Variants in TMOD1 observed in about 807,000 individuals in gnomAD.
TMOD1 encodes the protein tropomodulin 1.
A neutral mutation model predicts 40.6 loss-of-function variants in TMOD1; 17 were observed. The ratio of observed to expected loss-of-function variants is 0.42; its 90% CI spans 0.29 to 0.63. TMOD1 has a LOEUF of 0.63. Ranked by LOEUF, TMOD1 falls within the 20% of genes least tolerant of loss-of-function variation. TMOD1 has a pLI of 0.22. For synonymous variants in TMOD1, 181 were observed against 175.0 expected, an observed-to-expected ratio of 1.03 and a Z score of -0.27; for missense variants, 391 against 447.6, an observed-to-expected ratio of 0.87 and a Z score of 1.14.
intron 8 of TMOD1, among the ~76,000 whole-genome samples, chr9:97,579,830 G>T (rs1377143279): frequency 6.6e-6 from 1 of 152,188 alleles, no homozygotes; most frequent in Non-Finnish European, 1.5e-5. Context: ...GTGGAATGGG[G>T]AGAGATCATT....
Position 97,601,684 on chromosome 9 carries a change from T to C in TMOD1, c.*1986T>C. On this transcript the variant is annotated 3_prime_UTR_variant, in exon 10 of 10. Transcript: ENST00000259365. ...CTGTTGCAACTATTCAACTCTGCCATAGATCATGTGTAAAGGAATGGGTGT... is the reference window on the plus strand; with the variant it reads ...CTGTTGCAACTATTCAACTCTGCCACAGATCATGTGTAAAGGAATGGGTGT... 1.7e-6 allele frequency: 1 copy of C among 605,822 alleles called. No individual in the cohort carries two copies. Among genetic ancestry groups the C allele is most frequent in the South Asian group, 7.3e-5 (1 of 13,778 alleles). 37.5% of individuals were successfully genotyped at this position (605,822 alleles called of 1,614,324 possible). A position where few individuals can be genotyped will look rare whatever the true frequency, so the allele number is the denominator to read the frequency against.
intron 8 of TMOD1, among the ~76,000 whole-genome samples, chr9:97,574,537 C>T (rs1282303554): frequency 6.6e-6 from 1 of 152,260 alleles, no homozygotes; most frequent in African/African-American, 2.4e-5. Context: ...TCCCATCAAC[C>T]ACCCAAGGGC....
At chr9:97,511,027 G>T (rs147342502) in intron 1 of TMOD1, among the ~76,000 whole-genome samples, 2 of 152,002 alleles carry the variant, frequency 1.3e-5, no homozygotes, top group Non-Finnish European at 2.9e-5. Context: ...CAGACACCAT[G>T]ATGACCCCAA....
intron 1 of TMOD1, among the ~76,000 whole-genome samples, chr9:97,518,039 A>G (rs1172361826): frequency 1.3e-5 from 2 of 152,102 alleles, no homozygotes; most frequent in African/African-American, 2.4e-5. Flanking sequence ...CAGCTTCCAC[A>G]CGTCCGCGAT....
chr9:97,575,602 G>A (rs912889552), intron 8 of TMOD1, among the ~76,000 whole-genome samples: 4 of 152,182 alleles, frequency 2.6e-5, no homozygotes, highest in African/African-American at 9.7e-5. Context: ...CTAATTCCCA[G>A]GCCTCCTTTC....
At chr9:97,587,829 A>G (rs776897733) in intron 8 of TMOD1, among the ~76,000 whole-genome samples, 3 of 152,152 alleles carry the variant, frequency 2.0e-5, no homozygotes, top group Non-Finnish European at 4.4e-5. Context: ...TAGACATTTC[A>G]TATCAATGGA....
intron 2 of TMOD1, among the ~76,000 whole-genome samples, chr9:97,535,049 C>T (rs1162465833): frequency 6.6e-6 from 1 of 152,130 alleles, no homozygotes; most frequent in Non-Finnish European, 1.5e-5. Flanking sequence ...GGAAGAGGCT[C>T]AGGAGGCTGG....
At chr9:97,524,574 T>C (rs1829975232) in intron 2 of TMOD1, among the ~76,000 whole-genome samples, 1 of 149,200 alleles carries the variant, frequency 6.7e-6, no homozygotes, top group African/African-American at 2.5e-5. Flanking sequence ...AGATTTGTTA[T>C]AAGGCTTTAG....
intron 1 of TMOD1, among the ~76,000 whole-genome samples, chr9:97,522,561 T>C (rs1012405815): frequency 2.0e-5 from 3 of 152,132 alleles, no homozygotes; most frequent in African/African-American, 7.2e-5. Context: ...TTGTATTTTA[T>C]TTATTTATTT....
intron 8 of TMOD1, among the ~76,000 whole-genome samples, chr9:97,569,484 A>C (rs1202540426): frequency 6.6e-6 from 1 of 152,132 alleles, no homozygotes; most frequent in Non-Finnish European, 1.5e-5. Flanking sequence ...CCCCCATTCA[A>C]TGCGGCTTTT....
At chr9:97,571,543 A>G (rs1166840954) in intron 8 of TMOD1, among the ~76,000 whole-genome samples, 4 of 152,262 alleles carry the variant, frequency 2.6e-5, no homozygotes, top group Non-Finnish European at 4.4e-5. Context: ...AGCAGGTATC[A>G]TGTGCCAAAA....
intron 3 of TMOD1, among the ~76,000 whole-genome samples, chr9:97,549,474 C>A (rs1356312928): frequency 6.6e-6 from 1 of 152,162 alleles, no homozygotes; most frequent in East Asian, 1.9e-4. Flanking sequence ...ATTGAATATT[C>A]ATCTCAGCCA....
intron 9 of TMOD1, among the ~76,000 whole-genome samples, chr9:97,596,034 A>T (rs983384844): frequency 2.0e-5 from 3 of 151,936 alleles, no homozygotes; most frequent in Non-Finnish European, 4.4e-5. Context: ...AGACCACACC[A>T]TTGCACTTCA....
At position 97,514,418 on chromosome 9, in the gene TMOD1, G is replaced by A. The variant is rs578223570; in HGVS notation, c.-48-9723G>A. On this transcript the variant is annotated intron_variant, in intron 1 of 9. Transcript: ENST00000259365. ...CAGGCGTGAACCACCGCACCTGGCC[G>A]AAATTCTTAATAATTTTATCTTTGA... Among the ~76,000 whole-genome samples the A allele has an allele frequency of 2.3e-4, 35 of 151,998 alleles. 1 individual carries two copies. The highest frequency in any genetic ancestry group is 7.7e-4 in the African/African-American group (32 of 41,484).
At chr9:97,546,464 C>A in intron 3 of TMOD1, 123 bp downstream of exon 3, 1 of 1,036,472 alleles carries the variant, frequency 9.6e-7, no homozygotes, top group Non-Finnish European at 1.4e-6. Context: ...TGTCCTCATC[C>A]CTGCCTGGCC....
At chr9:97,585,107 C>A (rs11496562) in intron 8 of TMOD1, among the ~76,000 whole-genome samples, 1,649 of 152,244 alleles carry the variant, frequency 0.011, 25 homozygotes, top group South Asian at 0.046. Flanking sequence ...TCTTGATGGT[C>A]TTTACATTTT....
At chr9:97,567,237 A>G (rs141792628) in intron 7 of TMOD1, among the ~76,000 whole-genome samples, 37 of 152,328 alleles carry the variant, frequency 2.4e-4, no homozygotes, top group African/African-American at 8.9e-4. Context: ...CATGCCCTGT[A>G]TGCTACTATG....
chr9:97,587,275 G>A (rs1825899972), intron 8 of TMOD1, among the ~76,000 whole-genome samples: 1 of 152,198 alleles, frequency 6.6e-6, no homozygotes, highest in Non-Finnish European at 1.5e-5. Context: ...ATACCTGGGA[G>A]TCCAATTGCA....
intron 2 of TMOD1, among the ~76,000 whole-genome samples, chr9:97,544,548 TA>T (rs962709520): frequency 1.3e-5 from 2 of 149,430 alleles, no homozygotes; most frequent in East Asian, 4.0e-4. Flanking sequence ...AAAAAAAAAG[TA>T]AAAAAAATTA....
Sources: gnomAD v4.1 joint callset for allele counts (sites outside exome capture counted in the v4.1 genomes callset) on GRCh38, gnomAD v4.1.1 for gene constraint, MANE v1.5 for transcripts, NCBI Gene and HGNC (gene_info 2026-07-23, HGNC 2026-07-21) for gene names.